Variants in TBX15 observed in about 807,000 individuals in gnomAD.
TBX15 encodes the protein T-box transcription factor TBX15.
Under a neutral mutation model 53.9 loss-of-function variants are expected in TBX15, and 18 were observed. The ratio of observed to expected loss-of-function variants is 0.33; its 90% confidence interval spans 0.23 to 0.49. TBX15 has a LOEUF of 0.49. Among genes scored for constraint, TBX15 ranks in the 20% least tolerant of loss-of-function variants. The probability of loss-of-function intolerance (pLI) is 0.98; values close to 1 mark genes in which losing one functional copy is unlikely to be tolerated. For missense variants in TBX15, 692 were observed against 749.5 expected (o/e 0.92, Z 0.90); for synonymous variants, 295 against 278.0 (o/e 1.06, Z -0.61).
intron 6 of TBX15, among the ~76,000 whole-genome samples, chr1:118,909,154 G>T (rs185520460): frequency 6.6e-6 from 1 of 152,334 alleles, no homozygotes; most frequent in Admixed American, 6.5e-5. Context: ...TCCCCTTGGG[G>T]TCTTACACAG....
At chr1:118,900,023 T>G (rs1654569303) in intron 6 of TBX15, among the ~76,000 whole-genome samples, 1 of 152,204 alleles carries the variant, frequency 6.6e-6, no homozygotes, top group Non-Finnish European at 1.5e-5. Flanking sequence ...ATCTCAGACA[T>G]ATTCTTGATG....
chr1:118,900,467 T>C (rs1160159620), intron 6 of TBX15, among the ~76,000 whole-genome samples: 4 of 152,204 alleles, frequency 2.6e-5, no homozygotes, highest in Admixed American at 1.3e-4. Context: ...GCTGATTGAC[T>C]CTTTGTGTTG....
intron 7 of TBX15, among the ~76,000 whole-genome samples, chr1:118,896,938 A>T (rs1654448209): frequency 6.6e-6 from 1 of 152,286 alleles, no homozygotes; most frequent in Admixed American, 6.5e-5. Flanking sequence ...AAACTATTTA[A>T]TAGAGTCCTG....
chr1:118,923,221 C>A lies in TBX15; in HGVS notation c.861+215G>T, dbSNP rs377218764. Among the ~76,000 whole-genome samples the A allele has an allele frequency of 5.9e-5, 9 of 152,224 alleles. No individual in the cohort carries two copies. The South Asian group carries it at 8.3e-4, about 14-fold the overall frequency. On this transcript the variant is annotated intron_variant, in intron 5 of 7. Coordinates refer to ENST00000369429, the MANE Select transcript of TBX15 (RefSeq NM_001330677.2). Reference sequence around the variant, plus strand: ...CCCAAACCAAACTAAAGCTCTTCTTCTATTTTAGATCAAATGTGGCATTCA... The same window carrying A: ...CCCAAACCAAACTAAAGCTCTTCTTATATTTTAGATCAAATGTGGCATTCA...
chr1:118,940,950 C>T (rs1050582995), intron 1 of TBX15, among the ~76,000 whole-genome samples: 4 of 149,920 alleles, frequency 2.7e-5, no homozygotes, highest in African/African-American at 1.0e-4. Flanking sequence ...GTACCTCTTG[C>T]ACCAAAGGTC....
chr1:118,885,765 TTTTG>T (rs1231442579), intron 7 of TBX15, among the ~76,000 whole-genome samples: 6 of 152,152 alleles, frequency 3.9e-5, no homozygotes, highest in South Asian at 2.1e-4. Context: ...CACTAAACTC[TTTTG>T]TTTGTTTTCT....
intron 7 of TBX15, among the ~76,000 whole-genome samples, chr1:118,893,540 T>TGGAA (rs775989628): frequency 5.1e-4 from 15 of 29,464 alleles, no homozygotes; most frequent in East Asian, 4.0e-3. Context: ...GAAAGAAAGA[T>TGGAA]GGAAGGAAGG....
intron 1 of TBX15, among the ~76,000 whole-genome samples, chr1:118,959,467 A>T (rs1656794928): frequency 6.6e-6 from 1 of 152,154 alleles, no homozygotes; most frequent in African/African-American, 2.4e-5. Flanking sequence ...AACCTCTGTC[A>T]GCACTGTAGA....
chr1:118,899,071 G>T lies in TBX15; in HGVS notation c.981C>A (p.Arg327=). ...ETYAFWRPPV[R]TLTFEDFTTM... ...TGGTGAAGTCTTCGAAGGTGAGTGT[G>T]CGCACAGGAGGTCTCCAGAATGCAT... Residue 327 remains arginine (R), a synonymous_variant, in exon 7 of 8, where the codon CGC becomes CGA. Coordinates refer to ENST00000369429, the MANE Select transcript of TBX15 (RefSeq NM_001330677.2). 1 of 1,613,660 alleles carries T rather than the reference G, an allele frequency of 6.2e-7. No homozygotes were observed.
intron 6 of TBX15, among the ~76,000 whole-genome samples, chr1:118,913,608 G>A (rs1361207): frequency 0.88 from 134,164 of 152,194 alleles, 59,264 homozygotes; most frequent in African/African-American, 0.9. Context: ...GGGGTGTTCT[G>A]TAAACTCTCT....
At chr1:118,952,950 C>G (rs564417501) in intron 1 of TBX15, among the ~76,000 whole-genome samples, 17 of 152,084 alleles carry the variant, frequency 1.1e-4, no homozygotes, top group Non-Finnish European at 2.1e-4. Flanking sequence ...TAGATCCACC[C>G]ACAGCTCAGG....
At chr1:118,986,564 G>A (rs1478368602) in intron 1 of TBX15, among the ~76,000 whole-genome samples, 1 of 152,110 alleles carries the variant, frequency 6.6e-6, no homozygotes, top group Non-Finnish European at 1.5e-5. Context: ...ACAGCTTTGT[G>A]GCTGAGATCC....
At chr1:118,893,151 ATTGT>A (rs1188650882) in intron 7 of TBX15, among the ~76,000 whole-genome samples, 2 of 151,752 alleles carry the variant, frequency 1.3e-5, no homozygotes, top group Admixed American at 6.6e-5. Flanking sequence ...AGGCAGGAGA[ATTGT>A]TTGAACCCAG....
In TBX15 at chr1:118,931,816, A is replaced by G; in HGVS notation, c.222T>C (p.Thr74=). ...CAGTGAGGACCTCAGAATCTGAACC[A>G]GTGCTCTGCTCAGAATCTGCAAAAT... ...LEPHPDSEQS[T]GSDSEVLTER... Residue 74 remains threonine (T), a synonymous_variant, in exon 2 of 8, where the codon ACT becomes ACC. Coordinates refer to ENST00000369429, the MANE Select transcript of TBX15 (RefSeq NM_001330677.2). 1 of 1,581,772 alleles carries G rather than the reference A, an allele frequency of 6.3e-7. No individual in the cohort carries two copies. The highest frequency in any genetic ancestry group is 1.3e-5 in the African/African-American group (1 of 74,748).
rs374755606 is a variant in TBX15 at position 118,885,454 on chromosome 1, A to C, written c.1087T>G (p.Ser363Ala). Residue 363 changes from serine to alanine, a missense_variant, in exon 8 of 8, where the codon TCT (serine) becomes GCT (alanine). Physicochemically the swap from Ser to Ala is moderately conservative, Grantham distance 99. Around this residue, in one of 3 missense-constraint regions of TBX15, gnomAD observed 375 missense variants for 371.6 expected, o/e 1.01. Transcript: ENST00000369429. ...STGTPSPSAS[S>A]HLLSPSCSPP... ...GAACAGGATGGAGATAAAAGATGAG[A>C]AGAAGCCGAAGGGGATGGTGTCCCA... 7.0e-5 allele frequency: 113 copies of C among 1,609,238 alleles called. No homozygotes were observed. Among genetic ancestry groups the C allele is most frequent in the Non-Finnish European group, 9.0e-5 (106 of 1,177,526 alleles).
chr1:118,891,314 T>C (rs954958854), intron 7 of TBX15, among the ~76,000 whole-genome samples: 1 of 152,220 alleles, frequency 6.6e-6, no homozygotes, highest in Non-Finnish European at 1.5e-5. Context: ...TAGATGGTCC[T>C]ATTTTGTATC....
At chr1:118,956,042 C>T (rs1045675089) in intron 1 of TBX15, among the ~76,000 whole-genome samples, 1 of 152,054 alleles carries the variant, frequency 6.6e-6, no homozygotes, top group Non-Finnish European at 1.5e-5. Context: ...AGAAAGTGAC[C>T]TCGCCCCTTC....
In TBX15 at chr1:118,884,652, G is replaced by A. The variant is rs959439154; in HGVS notation, c.*80C>T. On this transcript the variant is annotated 3_prime_UTR_variant, in exon 8 of 8. Transcript: ENST00000369429. ...ACGGTTCCTGTTTTTCAAAGACACT[G>A]GACTCCCAAAGAGGAGGATCTGACC... 55 of 1,437,806 alleles carry A rather than the reference G, an allele frequency of 3.8e-5. 1 individual carries two copies. In the South Asian group the frequency reaches 4.9e-4, roughly 13 times the overall value. 89.1% of individuals were successfully genotyped at this position (1,437,806 alleles called of 1,614,324 possible).
At chr1:118,913,286 G>A (rs932098883) in intron 6 of TBX15, among the ~76,000 whole-genome samples, 4 of 151,932 alleles carry the variant, frequency 2.6e-5, no homozygotes, top group Admixed American at 1.3e-4. Flanking sequence ...ACGCACTTAT[G>A]AGACAGATGT....
Sources: gnomAD v4.1 joint callset for allele counts (sites outside exome capture counted in the v4.1 genomes callset) on GRCh38, gnomAD v4.1.1 for gene constraint, gnomAD v4.1.1 regional missense constraint, MANE v1.5 for transcripts, NCBI Gene and HGNC (gene_info 2026-07-23, HGNC 2026-07-21) for gene names.